The following PPM1L variants were observed in gnomAD, a reference collection of about 807,000 sequenced individuals.
The protein encoded by PPM1L is protein phosphatase, Mg2+/Mn2+ dependent 1L.
A neutral mutation model predicts 31.4 loss-of-function variants in PPM1L; 13 were observed. The ratio of observed to expected loss-of-function variants is 0.41; its 90% confidence interval spans 0.27 to 0.66. PPM1L has a LOEUF of 0.66. Ranked by LOEUF, PPM1L falls within the 30% of genes least tolerant of loss-of-function variation. The probability of loss-of-function intolerance (pLI) is 0.29; values close to 1 mark genes in which losing one functional copy is unlikely to be tolerated. For missense variants in PPM1L, 326 were observed against 453.7 expected (o/e 0.72, Z 2.56); for synonymous variants, 184 against 175.4 (o/e 1.05, Z -0.39).
chr3:160,780,341 C>T (rs1340797454), intron 1 of PPM1L, among the ~76,000 whole-genome samples: 3 of 152,198 alleles, frequency 2.0e-5, no homozygotes. Flanking sequence ...AAAATTTCAT[C>T]AGCCCCTGAA....
intron 1 of PPM1L, among the ~76,000 whole-genome samples, chr3:160,855,914 A>C (rs547140220): frequency 1.3e-5 from 2 of 152,132 alleles, no homozygotes; most frequent in African/African-American, 2.4e-5. Context: ...GTATATATAA[A>C]GGGGAGTTTA....
intron 1 of PPM1L, among the ~76,000 whole-genome samples, chr3:160,776,066 A>G (rs1235028958): frequency 3.3e-5 from 5 of 152,184 alleles, no homozygotes; most frequent in African/African-American, 1.2e-4. Context: ...ACCTTTATCT[A>G]ATATCTCTCT....
At chr3:160,963,163 A>G (rs1716020380) in intron 2 of PPM1L, among the ~76,000 whole-genome samples, 1 of 152,064 alleles carries the variant, frequency 6.6e-6, no homozygotes, top group Admixed American at 6.6e-5. Context: ...TAGAACTCAT[A>G]TAGTCCGCCC....
chr3:160,843,806 A>C (rs1387694153), intron 1 of PPM1L, among the ~76,000 whole-genome samples: 1 of 152,140 alleles, frequency 6.6e-6, no homozygotes, highest in Non-Finnish European at 1.5e-5. Flanking sequence ...ATTATAAATC[A>C]TGCTGCTATA....
intron 1 of PPM1L, among the ~76,000 whole-genome samples, chr3:160,772,408 C>T (rs182534353): frequency 1.3e-5 from 2 of 152,318 alleles, no homozygotes; most frequent in Admixed American, 6.5e-5. Flanking sequence ...AACAGGAGTG[C>T]TTGGCTGGTG....
intron 1 of PPM1L, among the ~76,000 whole-genome samples, chr3:160,881,975 C>T (rs563590488): frequency 4.0e-5 from 6 of 151,192 alleles, no homozygotes; most frequent in Admixed American, 3.3e-4. Context: ...GGTGTGAACT[C>T]GGGAAGCGGA....
intron 1 of PPM1L, among the ~76,000 whole-genome samples, chr3:160,834,803 G>T (rs1033984410): frequency 6.6e-6 from 1 of 152,080 alleles, no homozygotes; most frequent in African/African-American, 2.4e-5. Flanking sequence ...TTGTATGAAT[G>T]TGCCATAGTA....
chr3:160,944,200 A>G (rs1466448602), intron 1 of PPM1L, among the ~76,000 whole-genome samples: 1 of 151,968 alleles, frequency 6.6e-6, no homozygotes, highest in Admixed American at 6.6e-5. Flanking sequence ...CACCATAATT[A>G]TGGATTTAGT....
At chr3:160,824,312 C>T (rs1347091778) in intron 1 of PPM1L, among the ~76,000 whole-genome samples, 1 of 152,132 alleles carries the variant, frequency 6.6e-6, no homozygotes, top group Admixed American at 6.6e-5. Flanking sequence ...TCTTGGACTT[C>T]CAGCCACTAG....
rs189903892 is a variant in PPM1L, at chr3:160,810,362, C to T, written c.399+53655C>T. On this transcript the variant is annotated intron_variant, in intron 1 of 3. Coordinates refer to ENST00000498165, the MANE Select transcript of PPM1L (RefSeq NM_139245.4). ...ATTAAAATCAGCCTGTATGTATTTG[C>T]CCCTAAGATGGGCAATGTGGTTCCA... Among the ~76,000 whole-genome samples the T allele has an allele frequency of 2.6e-5, 4 of 152,210 alleles. No homozygotes were observed. The East Asian group carries it at 5.8e-4, about 22-fold the overall frequency.
intron 1 of PPM1L, among the ~76,000 whole-genome samples, chr3:160,956,065 A>G (rs898496853): frequency 2.2e-4 from 33 of 152,170 alleles, no homozygotes; most frequent in Non-Finnish European, 4.1e-4. Flanking sequence ...AATATACCAT[A>G]TAATAGTAAA....
intron 2 of PPM1L, among the ~76,000 whole-genome samples, chr3:161,007,286 A>C (rs376710061): frequency 2.6e-5 from 4 of 152,280 alleles, no homozygotes; most frequent in African/African-American, 9.6e-5. Flanking sequence ...TGCACAGTGC[A>C]ATCAAGGGAA....
intron 1 of PPM1L, among the ~76,000 whole-genome samples, chr3:160,873,587 G>A (rs1267232821): frequency 3.9e-5 from 6 of 151,918 alleles, no homozygotes; most frequent in Middle Eastern, 3.4e-3. Context: ...TCACTCTATC[G>A]CCCAGGTTAG....
chr3:160,918,532 G>A (rs935132689), intron 1 of PPM1L, among the ~76,000 whole-genome samples: 60 of 152,224 alleles, frequency 3.9e-4, no homozygotes, highest in African/African-American at 1.4e-3. Flanking sequence ...AAATAAAACT[G>A]AATCTGAAAA....
At chr3:160,936,963 C>G (rs1714992196) in intron 1 of PPM1L, among the ~76,000 whole-genome samples, 1 of 152,124 alleles carries the variant, frequency 6.6e-6, no homozygotes, top group South Asian at 2.1e-4. Context: ...TCTTTCCCCT[C>G]TTAATTTTAG....
chr3:160,786,821 T>A (rs901664934), intron 1 of PPM1L, among the ~76,000 whole-genome samples: 3 of 152,148 alleles, frequency 2.0e-5, no homozygotes, highest in Non-Finnish European at 4.4e-5. Flanking sequence ...AATGTTTAGC[T>A]CCTACTTATA....
intron 1 of PPM1L, among the ~76,000 whole-genome samples, chr3:160,850,491 A>T (rs1576669881): frequency 6.8e-6 from 1 of 147,500 alleles, no homozygotes; most frequent in African/African-American, 2.5e-5. Flanking sequence ...GATTTAGTCA[A>T]CCTCCAGTCC....
chr3:160,881,561 T>C (rs2108037923), intron 1 of PPM1L, among the ~76,000 whole-genome samples: 1 of 152,310 alleles, frequency 6.6e-6, no homozygotes. Context: ...CCAGCATGAC[T>C]CCAGTTTTCG....
At chr3:160,917,327 C>T (rs1714218864) in intron 1 of PPM1L, among the ~76,000 whole-genome samples, 1 of 152,170 alleles carries the variant, frequency 6.6e-6, no homozygotes, top group Non-Finnish European at 1.5e-5. Flanking sequence ...TATATAGATT[C>T]AAAACTTACT....
Sources: gnomAD v4.1 joint callset for allele counts (sites outside exome capture counted in the v4.1 genomes callset) on GRCh38, gnomAD v4.1.1 for gene constraint, MANE v1.5 for transcripts, NCBI Gene and HGNC (gene_info 2026-07-23, HGNC 2026-07-21) for gene names.